Variants in PTPRN2 observed in about 807,000 individuals in gnomAD.
PTPRN2 encodes the protein receptor-type tyrosine-protein phosphatase N2.
A neutral mutation model predicts 118.8 loss-of-function variants in PTPRN2; 74 were observed. The ratio of observed to expected loss-of-function variants is 0.62; its 90% CI spans 0.52 to 0.76. The LOEUF (loss-of-function observed/expected upper bound fraction) is 0.76, where lower values mean the gene tolerates loss of function less well. Among genes scored for constraint, PTPRN2 ranks in the 30% least tolerant of loss-of-function variants. PTPRN2 has a pLI of 0.00. For synonymous variants in PTPRN2, 641 were observed against 608.0 expected (o/e 1.05, Z -0.80); for missense variants, 1,481 against 1,394.4 (o/e 1.06, Z -0.99).
At position 157,595,555 on chromosome 7, in the gene PTPRN2, G is replaced by A. The variant is rs560983997; in HGVS notation, c.2419-240C>T. Among the ~76,000 whole-genome samples, 56 of 104,502 alleles carry A rather than the reference G, an allele frequency of 5.4e-4. 1 individual carries two copies. Among genetic ancestry groups the A allele is most frequent in the African/African-American group, 2.6e-3 (49 of 19,088 alleles). The allele number at this position is 104,502 out of a possible 152,430, so 68.6% of individuals were successfully genotyped here. On this transcript the variant is annotated intron_variant, in intron 16 of 22. Transcript: ENST00000389418. ...GGTTAGGAAGCCAGGAGGTTAGGAA[G>A]CCTGGAGGTTAGGAAGCCAGGAGGT...
intron 2 of PTPRN2, among the ~76,000 whole-genome samples, chr7:158,487,793 G>A (rs553072398): frequency 6.6e-6 from 1 of 152,160 alleles, no homozygotes; most frequent in Admixed American, 6.5e-5. Flanking sequence ...CTCCCCGTCA[G>A]CCTCGCAAAG....
In PTPRN2 at chr7:158,517,427, C is replaced by T. The variant is rs371909900; in HGVS notation, c.113-27642G>A. On this transcript the variant is annotated intron_variant, in intron 1 of 22. Coordinates refer to ENST00000389418, the MANE Select transcript of PTPRN2 (RefSeq NM_002847.5). This position sits in a 1 kb window ranked among gnomAD's most constrained non-coding sequence, Gnocchi z 5.3. ...AGAACGTGACCCTGTACCTAAATCCCTGCAGTTCCCAAGTCTCCCTCAGTC... is the reference window on the plus strand; with the variant it reads ...AGAACGTGACCCTGTACCTAAATCCTTGCAGTTCCCAAGTCTCCCTCAGTC... Among the ~76,000 whole-genome samples the T allele has an allele frequency of 6.6e-6, 1 of 152,246 alleles. No homozygotes were observed. Among genetic ancestry groups the T allele is most frequent in the East Asian group, 1.9e-4 (1 of 5,166 alleles).
At position 158,205,159 on chromosome 7, in the gene PTPRN2, G is replaced by T. The variant is rs748023564; in HGVS notation, c.380+12C>A. ...CTGGGAGCAAGGAGCAACAAGCCAC[G>T]TCCACACTTACCTGGCTGGGCTGGA... On this transcript the variant is annotated intron_variant, in intron 4 of 22. Transcript: ENST00000389418. 1.9e-6 allele frequency: 3 copies of T among 1,604,434 alleles called. No homozygotes were observed. Among genetic ancestry groups the T allele is most frequent in the Non-Finnish European group, 1.7e-6 (2 of 1,171,174 alleles).
At chr7:157,783,216 TA>T (rs1183596083) in intron 12 of PTPRN2, among the ~76,000 whole-genome samples, 2 of 152,102 alleles carry the variant, frequency 1.3e-5, no homozygotes, top group Non-Finnish European at 2.9e-5. Flanking sequence ...CTTTCCTTCA[TA>T]AATTACCCAG....
intron 10 of PTPRN2, among the ~76,000 whole-genome samples, chr7:158,097,468 G>A (rs576054789): frequency 2.0e-5 from 3 of 152,340 alleles, no homozygotes; most frequent in Admixed American, 2.0e-4. Context: ...ATTGATCACA[G>A]AATTAGGCTG....
At chr7:158,204,397 A>C (rs1019820907) in intron 4 of PTPRN2, among the ~76,000 whole-genome samples, 1 of 152,216 alleles carries the variant, frequency 6.6e-6, no homozygotes, top group Non-Finnish European at 1.5e-5. Context: ...TGCTTTCCCT[A>C]TCAGATGGCC....
intron 6 of PTPRN2, among the ~76,000 whole-genome samples, chr7:158,142,868 T>C (rs1333444909): frequency 6.6e-6 from 1 of 152,208 alleles, no homozygotes; most frequent in Non-Finnish European, 1.5e-5. Flanking sequence ...CCTTCCACGC[T>C]GACAGGCTCA....
At chr7:158,276,138 C>T (rs1468464572) in intron 3 of PTPRN2, among the ~76,000 whole-genome samples, 1 of 152,154 alleles carries the variant, frequency 6.6e-6, no homozygotes, top group Non-Finnish European at 1.5e-5. Flanking sequence ...CCTTCCCTCC[C>T]TCCCCAAGTG....
chr7:158,038,412 A>C (rs1808227341), intron 11 of PTPRN2, among the ~76,000 whole-genome samples: 1 of 152,186 alleles, frequency 6.6e-6, no homozygotes, highest in African/African-American at 2.4e-5. Context: ...CAGATTAAAG[A>C]TTCTAAAACT....
At chr7:158,134,651 T>C (rs981200856) in intron 8 of PTPRN2, among the ~76,000 whole-genome samples, 2 of 152,054 alleles carry the variant, frequency 1.3e-5, no homozygotes, top group Non-Finnish European at 2.9e-5. Context: ...GGATGTGTAA[T>C]TGATTCTAAC....
intron 3 of PTPRN2, among the ~76,000 whole-genome samples, chr7:158,236,696 C>G (rs1165488114): frequency 6.6e-6 from 1 of 152,212 alleles, no homozygotes; most frequent in African/African-American, 2.4e-5. Flanking sequence ...CCGGTGCAAC[C>G]TGTCCCCGCC....
chr7:158,507,131 A>T (rs1372939381), intron 1 of PTPRN2, among the ~76,000 whole-genome samples: 2 of 152,210 alleles, frequency 1.3e-5, no homozygotes, highest in Admixed American at 1.3e-4. Flanking sequence ...ATCCATGAGG[A>T]TCTCTCAGGA....
chr7:158,028,103 G>A (rs1009115851), intron 11 of PTPRN2: 4 of 152,198 alleles, frequency 2.6e-5, no homozygotes, highest in Non-Finnish European at 5.9e-5. Flanking sequence ...GATCCAAGAT[G>A]GCCAGACAAG....
In PTPRN2 at chr7:157,560,975, C is replaced by T. The variant is rs899647057; in HGVS notation, c.2902+7927G>A. On this transcript the variant is annotated intron_variant, in intron 21 of 22. Coordinates refer to ENST00000389418, the MANE Select transcript of PTPRN2 (RefSeq NM_002847.5). The surrounding 1 kb of genome is among the most constrained non-coding windows in gnomAD (Gnocchi z 6.7). ...CTGCACCTCCTTCTCTTGGTGCCTG[C>T]GCCCAAATGTGTGGCTCTGTCTGGC... is the stretch of plus-strand genomic sequence containing the variant. 5.9e-5 allele frequency among the ~76,000 whole-genome samples: 9 copies of T among 152,190 alleles called. No individual in the cohort carries two copies. The highest frequency in any genetic ancestry group is 3.2e-3 in the Middle Eastern group (1 of 316).
intron 12 of PTPRN2, among the ~76,000 whole-genome samples, chr7:157,751,566 G>C (rs888405931): frequency 1.3e-5 from 2 of 152,114 alleles, no homozygotes; most frequent in African/African-American, 4.8e-5. Context: ...GGGTCTTTGA[G>C]AAGGTGAAGC....
chr7:158,210,263 G>A (rs1827498609), intron 3 of PTPRN2, among the ~76,000 whole-genome samples: 1 of 145,070 alleles, frequency 6.9e-6, no homozygotes, highest in Admixed American at 6.9e-5. Flanking sequence ...AGCCTCCCGA[G>A]TAGCTGGGAC....
chr7:158,020,477 G>A (rs1337262385), intron 11 of PTPRN2, among the ~76,000 whole-genome samples: 1 of 152,176 alleles, frequency 6.6e-6, no homozygotes, highest in African/African-American at 2.4e-5. Flanking sequence ...AGGGGCGAGG[G>A]CACAGAAGTG....
At chr7:158,081,232 G>T in intron 11 of PTPRN2, 66 bp downstream of exon 11, 1 of 1,449,524 alleles carries the variant, frequency 6.9e-7, no homozygotes, top group Non-Finnish European at 9.7e-7. Flanking sequence ...GCATGTGCGT[G>T]TTTGCGTGCG....
At chr7:158,542,893 G>A (rs1181056156) in intron 1 of PTPRN2, among the ~76,000 whole-genome samples, 1 of 152,136 alleles carries the variant, frequency 6.6e-6, no homozygotes, top group Non-Finnish European at 1.5e-5. Flanking sequence ...CAAAATGCCT[G>A]GACTTCTGAG....
Sources: gnomAD v4.1 joint callset for allele counts (sites outside exome capture counted in the v4.1 genomes callset) on GRCh38, gnomAD v4.1.1 for gene constraint, Gnocchi (gnomAD v3.1) non-coding constraint, MANE v1.5 for transcripts, NCBI Gene and HGNC (gene_info 2026-07-23, HGNC 2026-07-21) for gene names.